Variants in CNP observed in about 807,000 individuals in gnomAD.
CNP encodes the protein 2',3'-cyclic nucleotide 3' phosphodiesterase, also known as 2',3'-cyclic-nucleotide 3'-phosphodiesterase.
A neutral mutation model predicts 37.9 loss-of-function variants in CNP; 8 were observed. That is an observed-to-expected ratio of 0.21 (90% CI 0.12 to 0.38). CNP has a LOEUF of 0.38. Ranked by LOEUF, CNP falls within the 10% of genes least tolerant of loss-of-function variation. The pLI, the probability that CNP is intolerant of heterozygous loss-of-function variation, is 1.00. For missense variants in CNP, 457 were observed against 551.0 expected (o/e 0.83, Z 1.71); for synonymous variants, 237 against 238.3 (o/e 0.99, Z 0.05).
Position 41,966,811 on chromosome 17 carries a change from G to A in CNP, c.-74G>A. On this transcript the variant is annotated 5_prime_UTR_variant, in exon 1 of 4. Transcript: ENST00000393892. The stretch of plus-strand genomic sequence containing the variant: ...GGTCGTGCCACCGCTGGACTCCCGT[G>A]TCCCTCCGCGCAGGCGGGCGGCCCC... The A allele has an allele frequency of 7.2e-7, 1 of 1,383,004 alleles. No individual in the cohort carries two copies. The highest frequency in any genetic ancestry group is 9.4e-7 in the Non-Finnish European group (1 of 1,069,158). The allele number at this position is 1,383,004 out of a possible 1,614,324, so 85.7% of individuals were successfully genotyped here.
At position 41,968,493 on chromosome 17, in the gene CNP, C is replaced by A; in HGVS notation, c.429C>A (p.Tyr143Ter). The stretch of plus-strand genomic sequence containing the variant: ...TTGAAATGGCCGACCAGTACCAGTA[C>A]CAGGTGGTGCTGGTGGAGCCCAAGA... ...QLFEMADQYQ[Y>*]QVVLVEPKTA... Residue 143 changes from tyrosine to a stop codon, truncating the protein, a stop_gained, in exon 2 of 4, where the codon TAC becomes TAA. Transcript: ENST00000393892. LOFTEE classifies it high-confidence loss of function. This position sits in a 1 kb window ranked among gnomAD's most constrained non-coding sequence, Gnocchi z 4.8. 1 of 1,614,128 alleles carries A rather than the reference C, an allele frequency of 6.2e-7. No individual in the cohort carries two copies. Among genetic ancestry groups the A allele is most frequent in the Non-Finnish European group, 8.5e-7 (1 of 1,180,036 alleles).
In CNP at chr17:41,975,291, G is replaced by A. The variant is rs1207721117; in HGVS notation, c.*1367G>A. On this transcript the variant is annotated 3_prime_UTR_variant, in exon 4 of 4. Transcript: ENST00000393892. The stretch of plus-strand genomic sequence containing the variant: ...CCATCGGTCCTGTCTCCCCTCTGCT[G>A]GCCGGGCACAGCTGTGGTGAGGTTG... 1 of 152,690 alleles carries A rather than the reference G, an allele frequency of 6.5e-6. No homozygotes were observed. The highest frequency in any genetic ancestry group is 1.9e-4 in the East Asian group (1 of 5,194). 9.5% of individuals were successfully genotyped at this position (152,690 alleles called of 1,614,324 possible).
rs1555645151 is a variant in CNP, at chr17:41,977,406, C to A, written c.*3482C>A. 1 of 1,281,324 alleles carries A rather than the reference C, an allele frequency of 7.8e-7. No homozygotes were observed. The highest frequency in any genetic ancestry group is 1.1e-6 in the Non-Finnish European group (1 of 907,040). The allele number at this position is 1,281,324 out of a possible 1,614,324, so 79.4% of individuals were successfully genotyped here. A position where few individuals can be genotyped will look rare whatever the true frequency, so the allele number is the denominator to read the frequency against. On this transcript the variant is annotated 3_prime_UTR_variant, in exon 4 of 4. Transcript: ENST00000393892. ...CGAAGAGAACTGATGACACTGAGAA[C>A]AGATCTCCAAAGCTTTCCTGGAGAG...
chr17:41,975,606 C>CGG lies in CNP; in HGVS notation c.*1682_*1683insGG, dbSNP rs2051064235. ...GAAGATCTAACATTTGAGTCCCTTC[C>CGG]AGGCCATCAGAGGCCTAGTCAGCCA... On this transcript the variant is annotated 3_prime_UTR_variant, in exon 4 of 4. Coordinates refer to ENST00000393892, the MANE Select transcript of CNP (RefSeq NM_033133.5). 6.6e-6 allele frequency: 1 copy of CGG among 152,360 alleles called. No individual in the cohort carries two copies. The highest frequency in any genetic ancestry group is 1.9e-4 in the East Asian group (1 of 5,184). The allele number at this position is 152,360 out of a possible 1,614,324, so 9.4% of individuals were successfully genotyped here.
Position 41,968,622 on chromosome 17 carries a change from G to A in CNP, c.558G>A (p.Leu186=), listed in dbSNP as rs1555643311. Residue 186 remains leucine (L), a synonymous_variant, in exon 2 of 4, where the codon CTG becomes CTA. Coordinates refer to ENST00000393892, the MANE Select transcript of CNP (RefSeq NM_033133.5). This position sits in a 1 kb window ranked among gnomAD's most constrained non-coding sequence, Gnocchi z 4.8. ...KLKPGLEKDF[L]PLYFGWFLTK... ...AGCCTGGGCTGGAGAAGGACTTCCT[G>A]CCGCTCTACTTCGGCTGGTTCCTGA... The A allele has an allele frequency of 6.2e-7, 1 of 1,614,136 alleles. No homozygotes were observed. The highest frequency in any genetic ancestry group is 1.1e-5 in the South Asian group (1 of 91,070).
intron 1 of CNP, chr17:41,967,821 C>T (rs1324436234): frequency 1.7e-5 from 23 of 1,357,330 alleles, no homozygotes; most frequent in Non-Finnish European, 2.1e-5. Context: ...CCCCGCATGC[C>T]TCCAGCACGT....
At chr17:41,973,033 G>A (rs2143040684) in intron 3 of CNP, among the ~76,000 whole-genome samples, 1 of 152,326 alleles carries the variant, frequency 6.6e-6, no homozygotes, top group African/African-American at 2.4e-5. Flanking sequence ...AGGGGAAGCT[G>A]AGCGGTGCCA....
In CNP at chr17:41,974,049, TTTTTAA is replaced by T. The variant is rs1419845926; in HGVS notation, c.*126_*131del. ...TACTCAAAGTTAACCTACCTGTAAC[TTTTTAA>T]AAACTTGTAAAATAACTGACCCTCC... On this transcript the variant is annotated 3_prime_UTR_variant, in exon 4 of 4. Coordinates refer to ENST00000393892, the MANE Select transcript of CNP (RefSeq NM_033133.5). 5.8e-6 allele frequency: 5 copies of T among 868,514 alleles called. No homozygotes were observed. The highest frequency in any genetic ancestry group is 8.0e-6 in the Non-Finnish European group (5 of 625,824). 53.8% of individuals were successfully genotyped at this position (868,514 alleles called of 1,614,324 possible).
chr17:41,967,812 C>G, intron 1 of CNP: 3 of 1,320,404 alleles, frequency 2.3e-6, no homozygotes, highest in Non-Finnish European at 2.9e-6. Flanking sequence ...CCTGGCGCGC[C>G]CCGCATGCCT....
intron 1 of CNP, chr17:41,967,190 C>T (rs1158486184): frequency 2.3e-5 from 7 of 299,564 alleles, no homozygotes; most frequent in Admixed American, 1.5e-4. Flanking sequence ...CTCCCGACCC[C>T]ACGCAGGCCC....
Position 41,973,938 on chromosome 17 carries a change from C to T in CNP, c.*14C>T. ...ACCATCATATGAGTGTTCTCACCAC[C>T]ACTTATGCCCCTAGAAGGGAAGGGG... On this transcript the variant is annotated 3_prime_UTR_variant, in exon 4 of 4. Transcript: ENST00000393892. 1.3e-6 allele frequency: 2 copies of T among 1,489,996 alleles called. No homozygotes were observed. Among genetic ancestry groups the T allele is most frequent in the African/African-American group, 1.4e-5 (1 of 71,520 alleles). 92.3% of individuals were successfully genotyped at this position (1,489,996 alleles called of 1,614,324 possible).
At position 41,976,609 on chromosome 17, in the gene CNP, A is replaced by G. The variant is rs1307051481; in HGVS notation, c.*2685A>G. On this transcript the variant is annotated 3_prime_UTR_variant, in exon 4 of 4. Transcript: ENST00000393892. ...CACTCACAGAGACACAGGGCATCCA[A>G]CTGAGAAAACGAAACTGCTCTAAGC... 7.8e-7 allele frequency: 1 copy of G among 1,283,362 alleles called. No homozygotes were observed. Among genetic ancestry groups the G allele is most frequent in the Non-Finnish European group, 1.1e-6 (1 of 934,248 alleles). The allele number at this position is 1,283,362 out of a possible 1,614,324, so 79.5% of individuals were successfully genotyped here.
In CNP at chr17:41,973,742, G is replaced by A. The variant is rs782315979; in HGVS notation, c.1084G>A (p.Glu362Lys). 8.7e-6 allele frequency: 14 copies of A among 1,611,846 alleles called. No homozygotes were observed. The South Asian group carries it at 9.9e-5, about 11-fold the overall frequency. ...LRQEKGGSRGEEVGELSRGKL... is the reference protein window; with the variant it reads ...LRQEKGGSRGKEVGELSRGKL... The stretch of plus-strand genomic sequence containing the variant: ...GCAGGAGAAGGGGGGCAGCCGAGGC[G>A]AGGAGGTGGGCGAGCTAAGCCGGGG... Residue 362 changes from glutamate to lysine, a missense_variant, in exon 4 of 4, where the codon GAG becomes AAG. Physicochemically the swap from Glu to Lys is moderately conservative, Grantham distance 56. Transcript: ENST00000393892.
intron 2 of CNP, chr17:41,970,353 G>C (rs2050967598): frequency 6.7e-6 from 1 of 150,044 alleles, no homozygotes; most frequent in Non-Finnish European, 1.5e-5. Flanking sequence ...AGGGGCCCTT[G>C]GCCCAAGATG....
Position 41,976,904 on chromosome 17 carries a change from C to G in CNP, c.*2980C>G, listed in dbSNP as rs1245323598. ...GAGAAACTCTATGGGTATCAAACAG[C>G]TCAGGCTGTTTTTGGGTGCAAGAGG... On this transcript the variant is annotated 3_prime_UTR_variant, in exon 4 of 4. Transcript: ENST00000393892. 25 of 1,174,536 alleles carry G rather than the reference C, an allele frequency of 2.1e-5. No individual in the cohort carries two copies. Among genetic ancestry groups the G allele is most frequent in the Non-Finnish European group, 3.0e-5 (25 of 843,210 alleles). 72.8% of individuals were successfully genotyped at this position (1,174,536 alleles called of 1,614,324 possible).
At chr17:41,967,605 G>A (rs2050919736) in intron 1 of CNP, 1 of 967,662 alleles carries the variant, frequency 1.0e-6, no homozygotes, top group Non-Finnish European at 1.2e-6. Context: ...CCAGACAAGA[G>A]AGTATTATCT....
In CNP at chr17:41,976,785, A is replaced by T; in HGVS notation, c.*2861A>T. On this transcript the variant is annotated 3_prime_UTR_variant, in exon 4 of 4. Coordinates refer to ENST00000393892, the MANE Select transcript of CNP (RefSeq NM_033133.5). Reference sequence around the variant, plus strand: ...TGGACCAGATGCTGAAAGAGAAAAGAGGGGTTGGTAGTTGGCTATGGATTT... The same window carrying T: ...TGGACCAGATGCTGAAAGAGAAAAGTGGGGTTGGTAGTTGGCTATGGATTT... The T allele has an allele frequency of 1.9e-6, 3 of 1,607,480 alleles. No homozygotes were observed. The highest frequency in any genetic ancestry group is 2.5e-6 in the Non-Finnish European group (3 of 1,178,574).
Position 41,974,830 on chromosome 17 carries a change from A to AG in CNP, c.*908dup, listed in dbSNP as rs2051050201. On this transcript the variant is annotated 3_prime_UTR_variant, in exon 4 of 4. Coordinates refer to ENST00000393892, the MANE Select transcript of CNP (RefSeq NM_033133.5). ...CGGGGCCAGAGGCAGAACCCTGGTG[A>AG]GGAAGCTCCAGTCCTGCTCTCTACC... 6.6e-6 allele frequency: 1 copy of AG among 152,328 alleles called. No homozygotes were observed. The highest frequency in any genetic ancestry group is 1.5e-5 in the Non-Finnish European group (1 of 68,178). 9.4% of individuals were successfully genotyped at this position (152,328 alleles called of 1,614,324 possible).
rs34645700 is a variant in CNP, at chr17:41,974,004, ATTTTT to A, written c.*96_*100del. On this transcript the variant is annotated 3_prime_UTR_variant, in exon 4 of 4. Coordinates refer to ENST00000393892, the MANE Select transcript of CNP (RefSeq NM_033133.5). ...CTCTGTTTGATCCTTGTTTTGTGAC[ATTTTT>A]TTTTTTTTTTTTTTTACTCAAAGTT... The A allele has an allele frequency of 1.3e-3, 1,104 of 836,216 alleles. No individual in the cohort carries two copies. The highest frequency in any genetic ancestry group is 2.2e-3 in the South Asian group (52 of 23,112). 51.8% of individuals were successfully genotyped at this position (836,216 alleles called of 1,614,324 possible). A position where few individuals can be genotyped will look rare whatever the true frequency, so the allele number is the denominator to read the frequency against.
Sources: gnomAD v4.1 joint callset for allele counts (sites outside exome capture counted in the v4.1 genomes callset) on GRCh38, gnomAD v4.1.1 for gene constraint, Gnocchi (gnomAD v3.1) non-coding constraint, MANE v1.5 for transcripts, NCBI Gene and HGNC (gene_info 2026-07-23, HGNC 2026-07-21) for gene names.